The following HEPACAM2 variants were observed in gnomAD, a reference collection of about 807,000 sequenced individuals.
HEPACAM2 encodes the protein HEPACAM family member 2.
A neutral mutation model predicts 49.6 loss-of-function variants in HEPACAM2; 49 were observed. The observed-to-expected ratio is 0.99, with a 90% confidence interval of 0.78 to 1.25. HEPACAM2 has a LOEUF of 1.25. Among genes scored for constraint, HEPACAM2 ranks in the 50% most tolerant of loss-of-function variants. The pLI is 0.00. For synonymous variants in HEPACAM2, 197 were observed against 202.9 expected, an observed-to-expected ratio of 0.97 and a Z score of 0.25; for missense variants, 525 against 557.2, an observed-to-expected ratio of 0.94 and a Z score of 0.58.
At chr7:93,208,956 AT>A in intron 3 of HEPACAM2, 80 bp from the exon 4 acceptor site, 1 of 1,265,840 alleles carries the variant, frequency 7.9e-7, no homozygotes, top group Non-Finnish European at 1.1e-6. Context: ...GCTTAGTAGC[AT>A]TTTACTGTTT....
intron 1 of HEPACAM2, among the ~76,000 whole-genome samples, chr7:93,220,051 G>A (rs191850134): frequency 1.5e-4 from 23 of 152,280 alleles, no homozygotes; most frequent in South Asian, 6.2e-4. Context: ...ACAGCAAGAG[G>A]CAGGTACAGA....
chr7:93,195,954 G>T, intron 7 of HEPACAM2, 53 bp from the exon 8 acceptor site: 1 of 1,308,300 alleles, frequency 7.6e-7, no homozygotes, highest in Non-Finnish European at 1.1e-6. Context: ...ATTTGCTGTT[G>T]TTTTTTAAAC....
chr7:93,193,821 T>C (rs1462764652), intron 8 of HEPACAM2, among the ~76,000 whole-genome samples: 3 of 152,150 alleles, frequency 2.0e-5, no homozygotes, highest in African/African-American at 7.2e-5. Context: ...TTGGTTTTAT[T>C]ATCACCTTTC....
intron 3 of HEPACAM2, among the ~76,000 whole-genome samples, chr7:93,212,963 G>C (rs550471140): frequency 7.2e-5 from 11 of 152,162 alleles, no homozygotes; most frequent in African/African-American, 2.6e-4. Context: ...CAATAGAAAT[G>C]AACCCTTTGC....
Position 93,208,860 on chromosome 7 carries a change from A to C in HEPACAM2, c.732T>G (p.Leu244=), listed in dbSNP as rs778068768. Residue 244 remains leucine (L), a synonymous_variant, in exon 4 of 10, where the codon CTT becomes CTG. Coordinates refer to ENST00000394468, the MANE Select transcript of HEPACAM2 (RefSeq NM_001039372.4). ...MPIIYYGPYG[L]QVNSDKGLKV... is the part of the protein sequence containing the mutation. ...TTAGCCCTTTATCAGAATTCACTTG[A>C]AGTCCATAAGGTCCATCTGCATCAA... 1.2e-5 allele frequency: 19 copies of C among 1,605,842 alleles called. No individual in the cohort carries two copies. Among genetic ancestry groups the C allele is most frequent in the Non-Finnish European group, 1.4e-5 (17 of 1,175,844 alleles).
At chr7:93,198,618 C>T (rs1793796030) in intron 4 of HEPACAM2, among the ~76,000 whole-genome samples, 2 of 152,006 alleles carry the variant, frequency 1.3e-5, no homozygotes, top group African/African-American at 4.8e-5. Context: ...TCCATATTAC[C>T]ATGTGAATCA....
chr7:93,213,547 G>A (rs1041712555), intron 3 of HEPACAM2, among the ~76,000 whole-genome samples: 6 of 151,942 alleles, frequency 3.9e-5, no homozygotes, highest in East Asian at 3.9e-4. Context: ...TTACAGCATC[G>A]TCAAGTAACA....
chr7:93,211,678 T>C (rs1014085255), intron 3 of HEPACAM2, among the ~76,000 whole-genome samples: 6 of 151,846 alleles, frequency 4.0e-5, no homozygotes, highest in African/African-American at 1.5e-4. Context: ...TCAGCATTGA[T>C]AGAACATTAG....
intron 3 of HEPACAM2, among the ~76,000 whole-genome samples, chr7:93,209,899 T>C (rs1794137167): frequency 6.6e-6 from 1 of 151,940 alleles, no homozygotes; most frequent in South Asian, 2.1e-4. Context: ...AGTTAAAGAA[T>C]TTTTAAAATC....
chr7:93,197,197 C>T (rs776737926), intron 7 of HEPACAM2, 44 bp downstream of exon 7: 5 of 1,423,226 alleles, frequency 3.5e-6, no homozygotes, highest in Non-Finnish European at 4.8e-6. Context: ...AACTAATTAA[C>T]ATACATTAAA....
At chr7:93,203,853 G>A (rs937730815) in intron 4 of HEPACAM2, among the ~76,000 whole-genome samples, 8 of 152,134 alleles carry the variant, frequency 5.3e-5, no homozygotes, top group South Asian at 2.1e-4. Context: ...ATGTCCCTCC[G>A]GAGATGAAGG....
chr7:93,219,412 G>A lies in HEPACAM2; in HGVS notation c.119C>T (p.Thr40Ile), dbSNP rs1794398654. The change falls in exon 2 of 10, where the codon ACT (threonine) becomes ATT (isoleucine). Residue 40 changes from threonine (T) to isoleucine (I), a missense_variant. Thr to Ile is a moderately conservative substitution (Grantham distance 89). Transcript: ENST00000394468. Reference protein sequence around the residue: ...SGLKVTVPSHTVHGVRGQALY... With the variant: ...SGLKVTVPSHIVHGVRGQALY... ...GGCCTGACCTCTGACGCCATGGACA[G>A]TGTGTGATGGCACTGTCACCTTCAG... The A allele has an allele frequency of 1.2e-6, 2 of 1,614,034 alleles. No individual in the cohort carries two copies. Among genetic ancestry groups the A allele is most frequent in the Non-Finnish European group, 8.5e-7 (1 of 1,179,952 alleles).
chr7:93,227,930 C>A (rs1418720869), upstream of HEPACAM2, among the ~76,000 whole-genome samples: 1 of 152,162 alleles, frequency 6.6e-6, no homozygotes, highest in African/African-American at 2.4e-5. Flanking sequence ...ACTCTAAGTG[C>A]TCCTTGGCCC....
Position 93,188,930 on chromosome 7 carries a change from T to A in HEPACAM2, c.*337A>T. On this transcript the variant is annotated 3_prime_UTR_variant, in exon 10 of 10. Transcript: ENST00000394468. The stretch of plus-strand genomic sequence containing the variant: ...GTCTCAGTGTTGATGATAGTGAAAG[T>A]GTAGAGTAGAACTAATTGAGGTTTG... 2.4e-6 allele frequency: 1 copy of A among 411,184 alleles called. No homozygotes were observed. The highest frequency in any genetic ancestry group is 3.5e-5 in the East Asian group (1 of 28,462). 25.5% of individuals were successfully genotyped at this position (411,184 alleles called of 1,614,324 possible). A position where few individuals can be genotyped will look rare whatever the true frequency, so the allele number is the denominator to read the frequency against.
chr7:93,219,061 A>G, intron 2 of HEPACAM2, 40 bp downstream of exon 2: 5 of 1,574,214 alleles, frequency 3.2e-6, no homozygotes, highest in Admixed American at 1.7e-5. Flanking sequence ...GCTAACTACC[A>G]TGCTAGACTG....
intron 3 of HEPACAM2, among the ~76,000 whole-genome samples, chr7:93,214,533 C>T (rs1417348369): frequency 1.3e-5 from 2 of 152,118 alleles, no homozygotes; most frequent in African/African-American, 4.8e-5. Context: ...GAAGAAAGTT[C>T]AGTCTGTCAG....
At position 93,197,469 on chromosome 7, in the gene HEPACAM2, T is replaced by C; in HGVS notation, c.1138+16A>G. The C allele has an allele frequency of 6.3e-7, 1 of 1,580,356 alleles. No homozygotes were observed. The highest frequency in any genetic ancestry group is 8.6e-7 in the Non-Finnish European group (1 of 1,165,358). On this transcript the variant is annotated intron_variant, in intron 5 of 9. Coordinates refer to ENST00000394468, the MANE Select transcript of HEPACAM2 (RefSeq NM_001039372.4). ...ATATATACAGCTTCAATTTTTTTTT[T>C]GTAATTTTAACCTACCTTTGTAGGG...
chr7:93,205,716 GTTCA>G (rs1212541649), intron 4 of HEPACAM2: 1 of 151,962 alleles, frequency 6.6e-6, no homozygotes, highest in Non-Finnish European at 1.5e-5. Flanking sequence ...TCCTGCTGAG[GTTCA>G]TTAACTTTGA....
In HEPACAM2 at chr7:93,219,343, T is replaced by C; in HGVS notation, c.188A>G (p.Asp63Gly). 1 of 1,613,982 alleles carries C rather than the reference T, an allele frequency of 6.2e-7. No individual in the cohort carries two copies. The highest frequency in any genetic ancestry group is 1.7e-5 in the Admixed American group (1 of 59,976). ...VHYGFHTPAS[D>G]IQIIWLFERP... is the part of the protein sequence containing the mutation. The stretch of plus-strand genomic sequence containing the variant: ...CTCAAATAGCCATATGATCTGGATG[T>C]CTGATGCTGGAGTGTGGAAGCCATA... Residue 63 changes from aspartate to glycine, a missense_variant, in exon 2 of 10, where the codon GAC (aspartate) becomes GGC (glycine). Asp to Gly is a moderately conservative substitution (Grantham distance 94, BLOSUM62 -1). Transcript: ENST00000394468.
Sources: allele counts gnomAD v4.1 joint callset (sites outside exome capture counted in the v4.1 genomes callset), GRCh38; gene constraint gnomAD v4.1.1; transcripts MANE v1.5; gene names NCBI Gene and HGNC (gene_info 2026-07-23, HGNC 2026-07-21).